Variants in VPS36 observed in about 807,000 individuals in gnomAD.
VPS36 encodes vacuolar protein sorting 36 homolog.
A neutral mutation model predicts 63.5 loss-of-function variants in VPS36; 31 were observed. The observed-to-expected ratio is 0.49, with a 90% CI of 0.37 to 0.66. The LOEUF (loss-of-function observed/expected upper bound fraction) is 0.66. VPS36 is among the 30% of genes least tolerant of loss of function. The probability of loss-of-function intolerance (pLI) is 0.00; values close to 1 mark genes in which losing one functional copy is unlikely to be tolerated. For missense variants in VPS36, 338 were observed against 463.7 expected (o/e 0.73, Z 2.49); for synonymous variants, 138 against 157.2 (o/e 0.88, Z 0.91).
chr13:52,445,656 G>C (rs1383256550), intron 1 of VPS36, among the ~76,000 whole-genome samples: 2 of 106,332 alleles, frequency 1.9e-5, no homozygotes, highest in East Asian at 2.7e-4. Context: ...AAAAAAAAAA[G>C]GCCGGGCGCA....
rs1198833039 is a variant in VPS36 at position 52,418,063 on chromosome 13, G to T, written c.841-7C>A. The T allele has an allele frequency of 1.9e-6, 3 of 1,606,988 alleles. No individual in the cohort carries two copies. The highest frequency in any genetic ancestry group is 3.3e-4 in the Middle Eastern group (2 of 6,052). On this transcript the variant is annotated splice_polypyrimidine_tract_variant and splice_region_variant and intron_variant, in intron 10 of 13. Transcript: ENST00000378060. Reference sequence around the variant, plus strand: ...AATCTTCTGGTGAGAGCAACTAATAGGGAAAAAAAATCCAGTAATGCTATA... The same window carrying T: ...AATCTTCTGGTGAGAGCAACTAATATGGAAAAAAAATCCAGTAATGCTATA...
chr13:52,436,166 G>A, intron 4 of VPS36, 124 bp downstream of exon 4: 1 of 570,216 alleles, frequency 1.8e-6, no homozygotes. Flanking sequence ...TAAAAATATG[G>A]TGAAATCTGG....
chr13:52,417,095 G>A lies in VPS36; in HGVS notation c.952C>T (p.His318Tyr), dbSNP rs1298293742. Reference protein sequence around the residue: ...SGVMVIELQSHKEEEMVASAL... With the variant: ...SGVMVIELQSYKEEEMVASAL... ...GAGGCCACCATTTCCTCTTCCTTGT[G>A]AGACTGAAGCTCAATTACCATGACG... The change falls in exon 12 of 14, where the codon CAC becomes TAC. Residue 318 changes from histidine to tyrosine, a missense_variant. His to Tyr is a moderately conservative substitution (Grantham distance 83, BLOSUM62 2). Transcript: ENST00000378060. 14 of 1,613,880 alleles carry A rather than the reference G, an allele frequency of 8.7e-6. No homozygotes were observed. Among genetic ancestry groups the A allele is most frequent in the African/African-American group, 1.3e-5 (1 of 74,864 alleles).
chr13:52,424,508 G>A (rs1436211454), intron 9 of VPS36, among the ~76,000 whole-genome samples: 1 of 152,020 alleles, frequency 6.6e-6, no homozygotes, highest in Non-Finnish European at 1.5e-5. Context: ...AAATACATAG[G>A]ACCAGAAAAG....
In VPS36 at chr13:52,413,760, G is replaced by A. The variant is rs1268494739; in HGVS notation, c.*2070C>T. 1 of 152,372 alleles carries A rather than the reference G, an allele frequency of 6.6e-6. No homozygotes were observed. The highest frequency in any genetic ancestry group is 1.5e-5 in the Non-Finnish European group (1 of 67,996). The allele number at this position is 152,372 out of a possible 1,614,324, so 9.4% of individuals were successfully genotyped here. A position where few individuals can be genotyped will look rare whatever the true frequency, so the allele number is the denominator to read the frequency against. ...TTTTGCACTTAGGGCCTGATTGGTTGTATTTAAACATAACTTCTACATTAG... is the reference window on the plus strand; with the variant it reads ...TTTTGCACTTAGGGCCTGATTGGTTATATTTAAACATAACTTCTACATTAG... On this transcript the variant is annotated 3_prime_UTR_variant, in exon 14 of 14. Transcript: ENST00000378060.
chr13:52,417,642 G>A (rs1958006285), intron 11 of VPS36, among the ~76,000 whole-genome samples: 1 of 152,214 alleles, frequency 6.6e-6, no homozygotes, highest in African/African-American at 2.4e-5. Context: ...TTACAGGTGT[G>A]AGCCACCACG....
At chr13:52,439,986 T>C (rs1270873086) in intron 2 of VPS36, among the ~76,000 whole-genome samples, 1 of 152,104 alleles carries the variant, frequency 6.6e-6, no homozygotes, top group African/African-American at 2.4e-5. Flanking sequence ...TGTTTAATTT[T>C]TTTTTTTTTT....
chr13:52,444,632 T>A (rs1958319333), intron 1 of VPS36, among the ~76,000 whole-genome samples: 2 of 149,844 alleles, frequency 1.3e-5, no homozygotes, highest in African/African-American at 4.9e-5. Flanking sequence ...TATATCATTC[T>A]TAAACAATAA....
intron 5 of VPS36, 123 bp downstream of exon 5, chr13:52,434,670 T>C: frequency 1.0e-6 from 1 of 988,314 alleles, no homozygotes; most frequent in Non-Finnish European, 1.5e-6. Flanking sequence ...AAATAAATTC[T>C]TTATAAGAAT....
chr13:52,428,607 C>A (rs1045516162), intron 6 of VPS36, among the ~76,000 whole-genome samples: 3 of 152,172 alleles, frequency 2.0e-5, no homozygotes, highest in Non-Finnish European at 4.4e-5. Context: ...AAACTCTGGG[C>A]GCCAGCTCTG....
At chr13:52,439,736 G>A (rs1209404790) in intron 2 of VPS36, among the ~76,000 whole-genome samples, 4 of 151,914 alleles carry the variant, frequency 2.6e-5, no homozygotes, top group Admixed American at 6.6e-5. Flanking sequence ...GTGAGCCACC[G>A]CACCCAGCCA....
rs539346514 is a variant in VPS36, at chr13:52,428,447, C to A, written c.529-1228G>T. Among the ~76,000 whole-genome samples, 104 of 152,232 alleles carry A rather than the reference C, an allele frequency of 6.8e-4. No individual in the cohort carries two copies. The South Asian group carries it at 0.021, about 31-fold the overall frequency. On this transcript the variant is annotated intron_variant, in intron 6 of 13. Coordinates refer to ENST00000378060, the MANE Select transcript of VPS36 (RefSeq NM_016075.4). ...ATTTTGCTAAAAGAATAGTGTGTTG[C>A]GTATTCTTATGGCCAACTCACTAAG...
intron 6 of VPS36, among the ~76,000 whole-genome samples, chr13:52,430,044 G>T (rs559398215): frequency 6.6e-6 from 1 of 152,190 alleles, no homozygotes; most frequent in South Asian, 2.1e-4. Flanking sequence ...AAGATGTTAA[G>T]AAGATGATAC....
rs779262898 is a variant in VPS36, at chr13:52,416,142, A to G, written c.991-49T>C. 4 of 1,570,060 alleles carry G rather than the reference A, an allele frequency of 2.5e-6. No homozygotes were observed. In the Admixed American group the frequency reaches 6.9e-5, roughly 27 times the overall value. On this transcript the variant is annotated intron_variant, in intron 12 of 13. Coordinates refer to ENST00000378060, the MANE Select transcript of VPS36 (RefSeq NM_016075.4). ...AAAAATGTAATTAATTTAGGACACT[A>G]ATTTAAACACACTCTGGGTTCTAAT...
chr13:52,417,935 C>T, intron 11 of VPS36, 57 bp downstream of exon 11: 3 of 1,506,734 alleles, frequency 2.0e-6, no homozygotes, highest in Non-Finnish European at 2.7e-6. Flanking sequence ...GCTTTCCCAT[C>T]TACCCCATGC....
chr13:52,417,902 C>A, intron 11 of VPS36, 90 bp downstream of exon 11: 1 of 1,062,922 alleles, frequency 9.4e-7, no homozygotes, highest in Non-Finnish European at 1.4e-6. Context: ...TGGCTTGACA[C>A]TAGGGATGGC....
chr13:52,430,185 C>A (rs1332210721), intron 6 of VPS36, among the ~76,000 whole-genome samples: 1 of 151,702 alleles, frequency 6.6e-6, no homozygotes, highest in African/African-American at 2.4e-5. Flanking sequence ...ACAGATGAAA[C>A]CTTCAAAGAG....
intron 1 of VPS36, among the ~76,000 whole-genome samples, chr13:52,446,123 G>T (rs1020116837): frequency 6.6e-6 from 1 of 150,868 alleles, no homozygotes; most frequent in East Asian, 1.9e-4. Flanking sequence ...AAAAATTGCC[G>T]GGCGTGGTGG....
chr13:52,425,252 C>CAAAAAAAA (rs748988364), intron 9 of VPS36, among the ~76,000 whole-genome samples: 1 of 67,352 alleles, frequency 1.5e-5, no homozygotes, highest in African/African-American at 5.5e-5. Flanking sequence ...GACTCCGCCT[C>CAAAAAAAA]AAAAAAAAAA....
Sources: gnomAD v4.1 joint callset for allele counts (sites outside exome capture counted in the v4.1 genomes callset) on GRCh38, gnomAD v4.1.1 for gene constraint, MANE v1.5 for transcripts, NCBI Gene and HGNC (gene_info 2026-07-23, HGNC 2026-07-21) for gene names.